The following LRIG3 variants were observed in gnomAD, a reference collection of about 807,000 sequenced individuals.
The protein encoded by LRIG3 is leucine rich repeats and immunoglobulin like domains 3, also known as leucine-rich repeats and immunoglobulin-like domains protein 3.
A neutral mutation model predicts 114.5 loss-of-function variants in LRIG3; 76 were observed. That is an observed-to-expected ratio of 0.66 (90% CI 0.55 to 0.80). The LOEUF (loss-of-function observed/expected upper bound fraction) is 0.80. LRIG3 is among the 30% of genes least tolerant of loss of function. The pLI, the probability that LRIG3 is intolerant of heterozygous loss-of-function variation, is 0.00. For missense variants in LRIG3, 1,239 were observed against 1,382.8 expected (o/e 0.90, Z 1.65); for synonymous variants, 512 against 519.8 (o/e 0.98, Z 0.20).
At chr12:58,900,798 C>T (rs1871818676) in intron 3 of LRIG3, among the ~76,000 whole-genome samples, 1 of 152,176 alleles carries the variant, frequency 6.6e-6, no homozygotes, top group African/African-American at 2.4e-5. Context: ...GACCAGAATG[C>T]AGACACAGAA....
rs762692069 is a variant in LRIG3 at position 58,874,429 on chromosome 12, C to T, written c.2839+1G>A. ...TGTACTCAAGCAAGAAAACCACCTACCTGTATGATATGTTTCAAAAGGATC... is the reference window on the plus strand; with the variant it reads ...TGTACTCAAGCAAGAAAACCACCTATCTGTATGATATGTTTCAAAAGGATC... On this transcript the variant is annotated splice_donor_variant, in intron 17 of 18. Coordinates refer to ENST00000320743, the MANE Select transcript of LRIG3 (RefSeq NM_153377.5). LOFTEE classifies it high-confidence loss of function. 2.5e-6 allele frequency: 4 copies of T among 1,613,996 alleles called. No individual in the cohort carries two copies. In the African/African-American group the frequency reaches 4.0e-5, roughly 16 times the overall value.
At chr12:58,903,389 A>T (rs12823121) in intron 3 of LRIG3, among the ~76,000 whole-genome samples, 1 of 152,116 alleles carries the variant, frequency 6.6e-6, no homozygotes, top group South Asian at 2.1e-4. Flanking sequence ...GTCTGTTCAT[A>T]TCCTTTGCCC....
rs750500843 is a variant in LRIG3, at chr12:58,872,671, T to G, written c.3261A>C (p.Glu1087Asp). Reference sequence around the variant, plus strand: ...GATTTTCTTCCTGAAAATCTGTCCTTTCTTTCCCATCTTCCTCTGACCCAG... The same window carrying G: ...GATTTTCTTCCTGAAAATCTGTCCTGTCTTTCCCATCTTCCTCTGACCCAG... The part of the protein sequence containing the change: ...LDSGSEEDGK[E>D]RTDFQEENHI... Residue 1087 changes from glutamate to aspartate, a missense_variant, in exon 19 of 19, where the codon GAA (glutamate) becomes GAC (aspartate). Physicochemically the swap from Glu to Asp is conservative, Grantham distance 45. Transcript: ENST00000320743. 1.3e-5 allele frequency: 21 copies of G among 1,614,150 alleles called. No individual in the cohort carries two copies. The South Asian group carries it at 2.1e-4, about 16-fold the overall frequency.
At chr12:58,872,926 T>C in intron 18 of LRIG3, 110 bp from the exon 19 acceptor site, 1 of 1,429,030 alleles carries the variant, frequency 7.0e-7, no homozygotes, top group Non-Finnish European at 9.4e-7. Context: ...AGTAAGTGTT[T>C]TCTACAAGTC....
chr12:58,907,163 T>C (rs539824244), intron 3 of LRIG3, among the ~76,000 whole-genome samples: 6 of 152,208 alleles, frequency 3.9e-5, no homozygotes, highest in Non-Finnish European at 8.8e-5. Flanking sequence ...ACGTGTGCTA[T>C]GTCTTTACCG....
At chr12:58,873,167 T>C (rs1307272214) in intron 18 of LRIG3, among the ~76,000 whole-genome samples, 1 of 152,164 alleles carries the variant, frequency 6.6e-6, no homozygotes, top group East Asian at 1.9e-4. Context: ...GTGTGTTGGA[T>C]GGTAACATCC....
Position 58,911,676 on chromosome 12 carries a change from A to G in LRIG3, c.383+2306T>C, listed in dbSNP as rs989956910. On this transcript the variant is annotated intron_variant, in intron 3 of 18. Coordinates refer to ENST00000320743, the MANE Select transcript of LRIG3 (RefSeq NM_153377.5). ...TATATAACTTAACAGATTTTTTTTA[A>G]TCTCAGAAAAGCATTTAAGAACTCA... Among the ~76,000 whole-genome samples the G allele has an allele frequency of 3.7e-4, 56 of 152,280 alleles. 1 individual carries two copies. Among genetic ancestry groups the G allele is most frequent in the African/African-American group, 1.3e-3 (53 of 41,566 alleles).
In LRIG3 at chr12:58,920,366, G is replaced by T. The variant is rs1027066637; in HGVS notation, c.-131C>A. ...TGCGCGCTCCTCCCTCGCGCTGCCC[G>T]GTCAATTCCTTCTTTTACTCCCGGC... On this transcript the variant is annotated 5_prime_UTR_variant, in exon 1 of 19. Coordinates refer to ENST00000320743, the MANE Select transcript of LRIG3 (RefSeq NM_153377.5). 2 of 592,960 alleles carry T rather than the reference G, an allele frequency of 3.4e-6. No homozygotes were observed. The highest frequency in any genetic ancestry group is 3.6e-5 in the East Asian group (1 of 27,896). The allele number at this position is 592,960 out of a possible 1,614,324, so 36.7% of individuals were successfully genotyped here. A position where few individuals can be genotyped will look rare whatever the true frequency, so the allele number is the denominator to read the frequency against.
intron 1 of LRIG3, among the ~76,000 whole-genome samples, chr12:58,918,131 T>A (rs369342970): frequency 7.2e-5 from 11 of 152,258 alleles, no homozygotes; most frequent in East Asian, 3.9e-4. Flanking sequence ...CACAGCAGGG[T>A]TCCTGACAAC....
chr12:58,875,778 G>A (rs768165098), intron 16 of LRIG3, among the ~76,000 whole-genome samples: 1 of 152,212 alleles, frequency 6.6e-6, no homozygotes, highest in African/African-American at 2.4e-5. Context: ...GGTGGCTCAC[G>A]CCTGTAATCC....
chr12:58,874,075 G>A lies in LRIG3; in HGVS notation c.3095C>T (p.Ala1032Val), dbSNP rs760953388. 3 of 1,614,146 alleles carry A rather than the reference G, an allele frequency of 1.9e-6. No individual in the cohort carries two copies. Among genetic ancestry groups the A allele is most frequent in the South Asian group, 1.1e-5 (1 of 91,084 alleles). The stretch of plus-strand genomic sequence containing the variant: ...CTTACCCATGAAAGAATTACTCGAG[G>A]CAACCGACGCTGGCTCTGGATTTGC... ...FSANPEPASVASSNSFMGTFG... is the reference protein window; with the variant it reads ...FSANPEPASVVSSNSFMGTFG... Residue 1032 changes from alanine (A) to valine (V), a missense_variant, in exon 18 of 19, where the codon GCC becomes GTC. Coordinates refer to ENST00000320743, the MANE Select transcript of LRIG3 (RefSeq NM_153377.5).
chr12:58,908,811 A>T (rs1872166396), intron 3 of LRIG3, among the ~76,000 whole-genome samples: 1 of 152,214 alleles, frequency 6.6e-6, no homozygotes, highest in African/African-American at 2.4e-5. Flanking sequence ...ACATTCATAG[A>T]TAATGTAATT....
At chr12:58,890,836 A>G (rs766357772) in intron 3 of LRIG3, 40 bp from the exon 4 acceptor site, 1 of 1,559,932 alleles carries the variant, frequency 6.4e-7, no homozygotes, top group Admixed American at 2.1e-5. Flanking sequence ...GGTTAACGGT[A>G]CAACAATCTG....
chr12:58,902,563 CTTTTT>C (rs1014265665), intron 3 of LRIG3, among the ~76,000 whole-genome samples: 3 of 151,694 alleles, frequency 2.0e-5, no homozygotes, highest in South Asian at 4.2e-4. Context: ...TGCCTTTTCT[CTTTTT>C]TTTATTTTTT....
intron 5 of LRIG3, 137 bp downstream of exon 5, chr12:58,889,859 A>T (rs1019854707): frequency 9.1e-7 from 1 of 1,093,820 alleles, no homozygotes; most frequent in Non-Finnish European, 1.3e-6. Context: ...TGGAGATTCT[A>T]CAGCTCCAAC....
At position 58,887,862 on chromosome 12, in the gene LRIG3, G is replaced by A; in HGVS notation, c.1018C>T (p.Leu340=). The change falls in exon 8 of 19, where the codon CTG becomes TTG. Residue 340 remains leucine (L), a synonymous_variant. Coordinates refer to ENST00000320743, the MANE Select transcript of LRIG3 (RefSeq NM_153377.5). ...CTGACTCTGTTGTTCCCAATGTGCA[G>A]TGTATTTAGTAAGCTTAGGCCAAGG... ...SFLGLSLLNT[L]HIGNNRVSYI... 1.9e-6 allele frequency: 3 copies of A among 1,613,940 alleles called. No individual in the cohort carries two copies. The highest frequency in any genetic ancestry group is 2.5e-6 in the Non-Finnish European group (3 of 1,179,862).
chr12:58,885,237 A>AG (rs901654949), intron 10 of LRIG3, among the ~76,000 whole-genome samples: 3 of 152,124 alleles, frequency 2.0e-5, no homozygotes, highest in African/African-American at 2.4e-5. Context: ...AACAATGGTA[A>AG]GGGGGGGTTG....
At position 58,888,912 on chromosome 12, in the gene LRIG3, C is replaced by A; in HGVS notation, c.710G>T (p.Gly237Val). The A allele has an allele frequency of 6.2e-7, 1 of 1,613,794 alleles. No individual in the cohort carries two copies. The highest frequency in any genetic ancestry group is 2.2e-5 in the East Asian group (1 of 44,852). ...IKNVDGLTFQGLGALKSLKMQ... is the reference protein window; with the variant it reads ...IKNVDGLTFQVLGALKSLKMQ... ...TTTCAGAGACTTCAGAGCACCAAGG[C>A]CTTGGAATGTCAGTCCATCTACATT... The change falls in exon 6 of 19, where the codon GGC becomes GTC. Residue 237 changes from glycine (G) to valine (V), a missense_variant. Physicochemically the swap from Gly to Val is moderately radical, Grantham distance 109. Coordinates refer to ENST00000320743, the MANE Select transcript of LRIG3 (RefSeq NM_153377.5).
At chr12:58,893,966 TG>T (rs1449522205) in intron 3 of LRIG3, among the ~76,000 whole-genome samples, 2 of 152,056 alleles carry the variant, frequency 1.3e-5, no homozygotes, top group Non-Finnish European at 2.9e-5. Context: ...GCAAATTAGT[TG>T]GGGGTGGGGA....
Sources: gnomAD v4.1 joint callset for allele counts (sites outside exome capture counted in the v4.1 genomes callset) on GRCh38, gnomAD v4.1.1 for gene constraint, MANE v1.5 for transcripts, NCBI Gene and HGNC (gene_info 2026-07-23, HGNC 2026-07-21) for gene names.